The following TEAD1 variants were observed in gnomAD, a reference collection of about 807,000 sequenced individuals.
The protein encoded by TEAD1 is TEA domain transcription factor 1, also known as transcriptional enhancer factor TEF-1.
TEAD1 carries 9 observed loss-of-function variants against 54.9 expected under a neutral mutation model. The observed-to-expected ratio is 0.16, with a 90% CI of 0.10 to 0.29. The LOEUF (loss-of-function observed/expected upper bound fraction) is 0.29. TEAD1 is among the 10% of genes least tolerant of loss of function. The pLI is 1.00. For synonymous variants in TEAD1, 200 were observed against 187.8 expected (o/e 1.07, Z -0.53); for missense variants, 387 against 535.9 (o/e 0.72, Z 2.74).
intron 3 of TEAD1, among the ~76,000 whole-genome samples, chr11:12,845,548 T>G (rs1056932141): frequency 6.6e-5 from 10 of 152,194 alleles, no homozygotes; most frequent in Non-Finnish European, 8.8e-5. Context: ...CCATGTAGTT[T>G]GTGTCTCAGT....
intron 2 of TEAD1, among the ~76,000 whole-genome samples, chr11:12,692,633 G>A (rs1393301579): frequency 1.3e-5 from 2 of 152,186 alleles, no homozygotes; most frequent in Non-Finnish European, 1.5e-5. Flanking sequence ...CTGAGAGTAG[G>A]GGGAAGAGCC....
chr11:12,690,327 T>G (rs1252364486), intron 2 of TEAD1, among the ~76,000 whole-genome samples: 1 of 152,076 alleles, frequency 6.6e-6, no homozygotes, highest in Non-Finnish European at 1.5e-5. Flanking sequence ...CTCATAAATG[T>G]TTTTTCATAG....
At chr11:12,926,999 T>C (rs1948914456) in intron 11 of TEAD1, among the ~76,000 whole-genome samples, 1 of 152,192 alleles carries the variant, frequency 6.6e-6, no homozygotes, top group African/African-American at 2.4e-5. Context: ...TAGTTGAAAT[T>C]CCCTGCCTGG....
chr11:12,921,333 T>G (rs1948800102), intron 10 of TEAD1: 2 of 152,060 alleles, frequency 1.3e-5, no homozygotes, highest in African/African-American at 4.8e-5. Flanking sequence ...GGATGGGAGT[T>G]CGAGACCAGC....
At chr11:12,874,607 G>C (rs192486608) in intron 5 of TEAD1, among the ~76,000 whole-genome samples, 39 of 152,312 alleles carry the variant, frequency 2.6e-4, no homozygotes, top group African/African-American at 9.1e-4. Context: ...GCTGGACCAT[G>C]TAGCAGAGGC....
At chr11:12,835,762 A>T (rs954117564) in intron 3 of TEAD1, among the ~76,000 whole-genome samples, 1 of 152,224 alleles carries the variant, frequency 6.6e-6, no homozygotes, top group Non-Finnish European at 1.5e-5. Flanking sequence ...CAAAGAGGCA[A>T]ACTCAGGGAT....
intron 2 of TEAD1, among the ~76,000 whole-genome samples, chr11:12,687,330 C>T (rs1422862344): frequency 2.0e-5 from 3 of 152,190 alleles, no homozygotes; most frequent in Non-Finnish European, 4.4e-5. Context: ...CTGCTGAGTT[C>T]ACTTTTAGTT....
At chr11:12,855,813 G>T (rs939271193) in intron 3 of TEAD1, among the ~76,000 whole-genome samples, 1 of 151,836 alleles carries the variant, frequency 6.6e-6, no homozygotes, top group African/African-American at 2.4e-5. Flanking sequence ...GCCAGGTGTG[G>T]TGTACCTGCC....
intron 3 of TEAD1, among the ~76,000 whole-genome samples, chr11:12,816,333 C>T (rs1300195434): frequency 5.3e-5 from 8 of 152,314 alleles, no homozygotes; most frequent in Admixed American, 1.3e-4. Flanking sequence ...ATTCTGAGAA[C>T]GGTTCTCTTG....
At chr11:12,680,482 G>A (rs1476960550) in intron 2 of TEAD1, among the ~76,000 whole-genome samples, 1 of 152,132 alleles carries the variant, frequency 6.6e-6, no homozygotes, top group African/African-American at 2.4e-5. Context: ...GCCACTCCCC[G>A]AGGCCCGCCC....
intron 2 of TEAD1, among the ~76,000 whole-genome samples, chr11:12,731,182 A>G (rs1399958286): frequency 1.3e-5 from 2 of 152,182 alleles, no homozygotes; most frequent in African/African-American, 2.4e-5. Flanking sequence ...CATACAGCAC[A>G]AGCCTAATTC....
intron 3 of TEAD1, among the ~76,000 whole-genome samples, chr11:12,794,857 T>C (rs1335455700): frequency 6.6e-6 from 1 of 152,204 alleles, no homozygotes; most frequent in African/African-American, 2.4e-5. Flanking sequence ...AGGGGGATGA[T>C]AACTCCCTGG....
intron 8 of TEAD1, 132 bp downstream of exon 8, chr11:12,882,089 C>G (rs1433294717): frequency 1.1e-6 from 1 of 931,696 alleles, no homozygotes; most frequent in Admixed American, 1.9e-5. Context: ...CTTGCAGGAT[C>G]CTTGGGTAGC....
intron 3 of TEAD1, among the ~76,000 whole-genome samples, chr11:12,784,734 G>A (rs2133953215): frequency 6.6e-6 from 1 of 152,304 alleles, no homozygotes; most frequent in East Asian, 1.9e-4. Context: ...TAATGGGTCA[G>A]CCCAGGATCC....
At chr11:12,792,109 C>T (rs1162149226) in intron 3 of TEAD1, among the ~76,000 whole-genome samples, 5 of 152,082 alleles carry the variant, frequency 3.3e-5, no homozygotes, top group Non-Finnish European at 7.3e-5. Context: ...CCTTGAGGCA[C>T]ATGGAGACTA....
chr11:12,694,761 T>C (rs189431342), intron 2 of TEAD1, among the ~76,000 whole-genome samples: 1 of 152,362 alleles, frequency 6.6e-6, no homozygotes, highest in Non-Finnish European at 1.5e-5. Flanking sequence ...CTAATTGGTG[T>C]TAGCTAGCGT....
intron 3 of TEAD1, among the ~76,000 whole-genome samples, chr11:12,830,458 A>G (rs1460771755): frequency 6.6e-6 from 1 of 152,080 alleles, no homozygotes; most frequent in Admixed American, 6.5e-5. Context: ...GCTTCATGTT[A>G]CATCTGGCTG....
intron 2 of TEAD1, among the ~76,000 whole-genome samples, chr11:12,709,687 T>A (rs1473005448): frequency 1.3e-5 from 2 of 152,252 alleles, no homozygotes; most frequent in East Asian, 1.9e-4. Flanking sequence ...GCTGATTTTT[T>A]AATTTTTATT....
chr11:12,705,184 CCT>C (rs1409963953), intron 2 of TEAD1, among the ~76,000 whole-genome samples: 1 of 152,178 alleles, frequency 6.6e-6, no homozygotes, highest in Non-Finnish European at 1.5e-5. Flanking sequence ...ATTCGCATAT[CCT>C]CTTTCTTGTG....
Sources: allele counts gnomAD v4.1 joint callset (sites outside exome capture counted in the v4.1 genomes callset), GRCh38; gene constraint gnomAD v4.1.1; transcripts MANE v1.5; gene names NCBI Gene and HGNC (gene_info 2026-07-23, HGNC 2026-07-21).